ANKRD33B: variants seen among roughly 807,000 people sequenced by gnomAD.
The protein encoded by ANKRD33B is ankyrin repeat domain-containing protein 33B.
ANKRD33B carries 6 observed loss-of-function variants against 21.5 expected under a neutral mutation model. That is an observed-to-expected ratio of 0.28 (90% CI 0.15 to 0.55). The LOEUF is 0.55. ANKRD33B is among the 20% of genes least tolerant of loss of function. The pLI is 0.94. For missense variants in ANKRD33B, 698 were observed against 747.2 expected (o/e 0.93, Z 0.77); for synonymous variants, 347 against 342.4 (o/e 1.01, Z -0.15).
At chr5:10,572,976 G>A (rs1256492294) in intron 1 of ANKRD33B, among the ~76,000 whole-genome samples, 1 of 152,134 alleles carries the variant, frequency 6.6e-6, no homozygotes, top group Non-Finnish European at 1.5e-5. Context: ...ACATAAATAT[G>A]CCTCTGGAAG....
chr5:10,582,035 C>G (rs373494803), intron 1 of ANKRD33B, among the ~76,000 whole-genome samples: 4 of 152,210 alleles, frequency 2.6e-5, no homozygotes, highest in African/African-American at 9.7e-5. Context: ...CAGCCCTGGA[C>G]CACTTTCCTA....
rs1736370211 is a variant in ANKRD33B, at chr5:10,619,634, CAT to C, written c.496+1173_496+1174del. 6.6e-6 allele frequency among the ~76,000 whole-genome samples: 1 copy of C among 152,212 alleles called. No homozygotes were observed. The highest frequency in any genetic ancestry group is 1.5e-5 in the Non-Finnish European group (1 of 68,040). On this transcript the variant is annotated intron_variant, in intron 2 of 3. Coordinates refer to ENST00000296657, the MANE Select transcript of ANKRD33B (RefSeq NM_001164440.2). This position sits in a 1 kb window ranked among gnomAD's most constrained non-coding sequence, Gnocchi z 4.5. Reference sequence around the variant, plus strand: ...TAGAAAGGGCCAGGGGCTGTGCTAACATGTGTTCACCTCCTCAGGTTTCGAAG... The same window carrying C: ...TAGAAAGGGCCAGGGGCTGTGCTAACGTGTTCACCTCCTCAGGTTTCGAAG...
At position 10,564,699 on chromosome 5, in the gene ANKRD33B, G is replaced by GGCGTCCCGGAAA. The variant is rs1404783134; in HGVS notation, c.243_254dup (p.Ser82_Glu85dup). Reference sequence around the variant, plus strand: ...CGAGAGCGCGGAGAGCGTCCCGGAGGGCGTCCCGGAAAGCGTCCCGGAGAC... The same window carrying GGCGTCCCGGAAA: ...CGAGAGCGCGGAGAGCGTCCCGGAGGGCGTCCCGGAAAGCGTCCCGGAAAGCGTCCCGGAGAC... On this transcript the variant is annotated inframe_insertion, in exon 1 of 4. Coordinates refer to ENST00000296657, the MANE Select transcript of ANKRD33B (RefSeq NM_001164440.2). The GGCGTCCCGGAAA allele has an allele frequency of 8.5e-6, 13 of 1,533,480 alleles. No individual in the cohort carries two copies. Among genetic ancestry groups the GGCGTCCCGGAAA allele is most frequent in the African/African-American group, 6.9e-5 (5 of 72,942 alleles). 95.0% of individuals were successfully genotyped at this position (1,533,480 alleles called of 1,614,324 possible).
chr5:10,591,018 G>C (rs1735673373), intron 1 of ANKRD33B, among the ~76,000 whole-genome samples: 1 of 152,088 alleles, frequency 6.6e-6, no homozygotes, highest in South Asian at 2.1e-4. Flanking sequence ...AGAGCTGAAA[G>C]TGAGAGTCCC....
intron 1 of ANKRD33B, among the ~76,000 whole-genome samples, chr5:10,598,607 A>AT (rs1199069385): frequency 6.6e-6 from 1 of 152,038 alleles, no homozygotes; most frequent in Non-Finnish European, 1.5e-5. Flanking sequence ...AATTAAAAAA[A>AT]TTTTTTTTAA....
At chr5:10,613,178 A>T (rs1387299725) in intron 1 of ANKRD33B, among the ~76,000 whole-genome samples, 1 of 151,956 alleles carries the variant, frequency 6.6e-6, no homozygotes, top group African/African-American at 2.4e-5. Context: ...TCTTCTGCAG[A>T]CTGTGCTGGG....
rs1242974791 is a variant in ANKRD33B at position 10,649,269 on chromosome 5, C to T, written c.641C>T (p.Ala214Val). The T allele has an allele frequency of 2.0e-6, 3 of 1,520,120 alleles. No homozygotes were observed. The highest frequency in any genetic ancestry group is 2.5e-5 in the East Asian group (1 of 40,502). The allele number at this position is 1,520,120 out of a possible 1,614,324, so 94.2% of individuals were successfully genotyped here. A position where few individuals can be genotyped will look rare whatever the true frequency, so the allele number is the denominator to read the frequency against. ...DCIRALMLAGADVHARDPRRG... is the reference protein window; with the variant it reads ...DCIRALMLAGVDVHARDPRRG... ...GTTTGTGTTTTGCGTTTTGCAGGGG[C>T]GGATGTCCACGCGAGGGACCCCCGC... is the stretch of plus-strand genomic sequence containing the variant. The change falls in exon 4 of 4, where the codon GCG (alanine) becomes GTG (valine). Residue 214 changes from alanine (A) to valine (V), a missense_variant. This residue lies in a region of ANKRD33B where 543 missense variants were observed against 566.5 expected (regional missense o/e 0.96). Transcript: ENST00000296657.
chr5:10,569,701 G>C (rs1047311350), intron 1 of ANKRD33B, among the ~76,000 whole-genome samples: 2 of 152,168 alleles, frequency 1.3e-5, no homozygotes, highest in African/African-American at 2.4e-5. Context: ...AGGGCAAATT[G>C]AGCAGAATCC....
chr5:10,597,509 G>T (rs150373007), intron 1 of ANKRD33B, among the ~76,000 whole-genome samples: 2,204 of 152,210 alleles, frequency 0.014, 24 homozygotes, highest in Non-Finnish European at 0.021. Flanking sequence ...AAATATATAT[G>T]CACCCAATAC....
At chr5:10,592,510 C>A (rs1260090117) in intron 1 of ANKRD33B, among the ~76,000 whole-genome samples, 1 of 147,514 alleles carries the variant, frequency 6.8e-6, no homozygotes, top group Non-Finnish European at 1.5e-5. Flanking sequence ...GTAATCCCAG[C>A]TACTTGGAAG....
In ANKRD33B at chr5:10,607,191, G is replaced by A. The variant is rs181080984; in HGVS notation, c.367-11142G>A. ...CACACACACACTCAGAATAGACTGT[G>A]ATGCTGTGATAACAAACCACTTCAA... is the stretch of plus-strand genomic sequence containing the variant. On this transcript the variant is annotated intron_variant, in intron 1 of 3. Transcript: ENST00000296657. 4.3e-4 allele frequency among the ~76,000 whole-genome samples: 65 copies of A among 152,328 alleles called. 1 individual carries two copies. Among genetic ancestry groups the A allele is most frequent in the African/African-American group, 1.4e-3 (60 of 41,572 alleles).
Position 10,564,407 on chromosome 5 carries a change from G to A in ANKRD33B, c.-61G>A. On this transcript the variant is annotated 5_prime_UTR_variant, in exon 1 of 4. Coordinates refer to ENST00000296657, the MANE Select transcript of ANKRD33B (RefSeq NM_001164440.2). ...GCGAGAAGCGGGGACCTCGGCGCGC[G>A]CCCCGCGTCCCGCTCTTCCTGCCCG... 2.0e-6 allele frequency: 2 copies of A among 1,001,304 alleles called. No individual in the cohort carries two copies. The highest frequency in any genetic ancestry group is 2.4e-6 in the Non-Finnish European group (2 of 837,368). The allele number at this position is 1,001,304 out of a possible 1,614,324, so 62.0% of individuals were successfully genotyped here. A position where few individuals can be genotyped will look rare whatever the true frequency, so the allele number is the denominator to read the frequency against.
intron 2 of ANKRD33B, among the ~76,000 whole-genome samples, chr5:10,623,560 G>A (rs888175553): frequency 3.3e-5 from 5 of 152,264 alleles, no homozygotes; most frequent in African/African-American, 9.6e-5. Flanking sequence ...CTGCTGTAGT[G>A]TCATCCTGGA....
At chr5:10,604,762 CAT>C (rs1177667403) in intron 1 of ANKRD33B, among the ~76,000 whole-genome samples, 11 of 151,932 alleles carry the variant, frequency 7.2e-5, no homozygotes, top group Non-Finnish European at 7.4e-5. Context: ...AAGACAGAAA[CAT>C]AGAATTATAT....
At chr5:10,622,649 T>C (rs1736445326) in intron 2 of ANKRD33B, among the ~76,000 whole-genome samples, 1 of 152,170 alleles carries the variant, frequency 6.6e-6, no homozygotes, top group Non-Finnish European at 1.5e-5. Flanking sequence ...CCAATTTCAT[T>C]TTTTAAATTG....
chr5:10,641,900 A>T (rs971082647), intron 3 of ANKRD33B, among the ~76,000 whole-genome samples: 77 of 152,348 alleles, frequency 5.1e-4, no homozygotes, highest in African/African-American at 1.8e-3. Context: ...GTTTCAACAG[A>T]GTTTCGGCCC....
chr5:10,630,962 AG>A (rs1736697154), intron 2 of ANKRD33B, among the ~76,000 whole-genome samples: 1 of 152,128 alleles, frequency 6.6e-6, no homozygotes. Flanking sequence ...CGATTCTTCT[AG>A]GTTTCTCTGA....
rs113985450 is a variant in ANKRD33B at position 10,657,104 on chromosome 5, A to C, written c.*6991A>C. 1 of 152,380 alleles carries C rather than the reference A, an allele frequency of 6.6e-6. No homozygotes were observed. The highest frequency in any genetic ancestry group is 6.5e-5 in the Admixed American group (1 of 15,282). The allele number at this position is 152,380 out of a possible 1,614,324, so 9.4% of individuals were successfully genotyped here. On this transcript the variant is annotated 3_prime_UTR_variant, in exon 4 of 4. Transcript: ENST00000296657. ...CCAGTTTTTGAGCAGAAGTTCTAGA[A>C]GCTGATTTAGAACTACACAGCTATG...
chr5:10,577,076 TTTCCCCTTTCCCTTTCCC>T (rs1186083493), intron 1 of ANKRD33B, among the ~76,000 whole-genome samples: 1 of 151,762 alleles, frequency 6.6e-6, no homozygotes, highest in African/African-American at 2.4e-5. Flanking sequence ...TTCCCTTCCC[TTTCCCCTTTCCCTTTCCC>T]TTCCCCTTCC....
Sources: allele counts gnomAD v4.1 joint callset (sites outside exome capture counted in the v4.1 genomes callset), GRCh38; gene constraint gnomAD v4.1.1; regional missense constraint gnomAD v4.1.1; non-coding constraint Gnocchi (gnomAD v3.1); transcripts MANE v1.5; gene names NCBI Gene and HGNC (gene_info 2026-07-23, HGNC 2026-07-21).